SPRED2: variants seen among roughly 807,000 people sequenced by gnomAD.
SPRED2 encodes the protein sprouty-related, EVH1 domain-containing protein 2.
A neutral mutation model predicts 43.0 loss-of-function variants in SPRED2; 47 were observed. The observed-to-expected ratio is 1.09, with a 90% CI of 0.87 to 1.40. SPRED2 has a LOEUF of 1.40. SPRED2 is among the 40% of genes most tolerant of loss of function. SPRED2 has a pLI of 0.00. For synonymous variants in SPRED2, 225 were observed against 225.7 expected, an observed-to-expected ratio of 1.00 and a Z score of 0.03; for missense variants, 561 against 586.4, an observed-to-expected ratio of 0.96 and a Z score of 0.45.
intron 1 of SPRED2, among the ~76,000 whole-genome samples, chr2:65,418,929 A>T (rs559787812): frequency 1.1e-4 from 17 of 152,090 alleles, no homozygotes; most frequent in Non-Finnish European, 2.4e-4. Flanking sequence ...GTCTTTTTTT[A>T]AAAAATATAA....
intron 2 of SPRED2, among the ~76,000 whole-genome samples, chr2:65,338,895 G>A (rs543030994): frequency 6.6e-6 from 1 of 151,764 alleles, no homozygotes; most frequent in Admixed American, 6.6e-5. Flanking sequence ...GAAGTGAGGA[G>A]CGTCTCTGCC....
At chr2:65,342,222 G>A (rs1481392298) in intron 2 of SPRED2, among the ~76,000 whole-genome samples, 5 of 145,394 alleles carry the variant, frequency 3.4e-5, no homozygotes, top group African/African-American at 1.0e-4. Context: ...TTTTGTATAC[G>A]TATATTATGT....
At chr2:65,410,856 T>G (rs1676140900) in intron 1 of SPRED2, among the ~76,000 whole-genome samples, 1 of 152,014 alleles carries the variant, frequency 6.6e-6, no homozygotes, top group African/African-American at 2.4e-5. Flanking sequence ...ATGCAGAGGG[T>G]CTATCGTGAG....
At chr2:65,381,154 C>T (rs1362242746) in intron 1 of SPRED2, among the ~76,000 whole-genome samples, 2 of 152,206 alleles carry the variant, frequency 1.3e-5, no homozygotes, top group Admixed American at 6.5e-5. Context: ...TTCCAAACCT[C>T]ACCAAGTTAG....
At chr2:65,392,633 A>T (rs1014097391) in intron 1 of SPRED2, among the ~76,000 whole-genome samples, 1 of 152,202 alleles carries the variant, frequency 6.6e-6, no homozygotes, top group African/African-American at 2.4e-5. Context: ...CTATATTAGA[A>T]CAAAATCACA....
chr2:65,338,826 C>T (rs1202675934), intron 2 of SPRED2, among the ~76,000 whole-genome samples: 3 of 151,502 alleles, frequency 2.0e-5, no homozygotes, highest in African/African-American at 7.3e-5. Context: ...CGTCTCTGCC[C>T]GGCCGCCATC....
intron 1 of SPRED2, among the ~76,000 whole-genome samples, chr2:65,424,965 G>T (rs911538207): frequency 6.6e-6 from 1 of 152,080 alleles, no homozygotes; most frequent in African/African-American, 2.4e-5. Context: ...AGACAGATGG[G>T]CCAAGCTTCT....
chr2:65,365,049 T>A (rs183930998), intron 1 of SPRED2, among the ~76,000 whole-genome samples: 28 of 152,356 alleles, frequency 1.8e-4, no homozygotes, highest in African/African-American at 6.0e-4. Flanking sequence ...TCACTTTGAA[T>A]CTGAAGTATT....
At chr2:65,372,572 C>T (rs1675151269) in intron 1 of SPRED2, among the ~76,000 whole-genome samples, 2 of 152,110 alleles carry the variant, frequency 1.3e-5, no homozygotes, top group South Asian at 2.1e-4. Flanking sequence ...CAAGGCCTGG[C>T]TTCAGACCTG....
chr2:65,430,581 C>T (rs1241709099), intron 1 of SPRED2, among the ~76,000 whole-genome samples: 1 of 152,206 alleles, frequency 6.6e-6, no homozygotes, highest in African/African-American at 2.4e-5. Context: ...GTCACTTCCC[C>T]TCCCAGCACT....
chr2:65,313,946 G>A lies in SPRED2; in HGVS notation c.812C>T (p.Ser271Phe). 6.2e-7 allele frequency: 1 copy of A among 1,611,874 alleles called. No homozygotes were observed. The highest frequency in any genetic ancestry group is 1.1e-5 in the South Asian group (1 of 91,086). ...GTCCTCGCCTAGGCCAAAGTCTGAGGAGTCCACGTAGGGGTAGTTGTAGTC... is the reference window on the plus strand; with the variant it reads ...GTCCTCGCCTAGGCCAAAGTCTGAGAAGTCCACGTAGGGGTAGTTGTAGTC... ...KHDYNYPYVDSSDFGLGEDPK... is the reference protein window; with the variant it reads ...KHDYNYPYVDFSDFGLGEDPK... The change falls in exon 6 of 6, where the codon TCC (serine) becomes TTC (phenylalanine). Residue 271 changes from serine (S) to phenylalanine (F), a missense_variant. Ser to Phe is a radical substitution (Grantham distance 155). Coordinates refer to ENST00000356388, the MANE Select transcript of SPRED2 (RefSeq NM_181784.3).
chr2:65,343,553 CTT>C (rs1054779804), intron 2 of SPRED2, among the ~76,000 whole-genome samples: 14 of 152,146 alleles, frequency 9.2e-5, no homozygotes, highest in Non-Finnish European at 1.6e-4. Context: ...CTTGTGGTGT[CTT>C]TGCATTTTCT....
At chr2:65,405,826 C>A (rs961666058) in intron 1 of SPRED2, among the ~76,000 whole-genome samples, 5 of 152,224 alleles carry the variant, frequency 3.3e-5, no homozygotes, top group Admixed American at 3.3e-4. Flanking sequence ...CTTACCAGCC[C>A]TTCTCCTCCC....
intron 1 of SPRED2, among the ~76,000 whole-genome samples, chr2:65,358,054 A>AC (rs1284178514): frequency 6.6e-6 from 1 of 150,702 alleles, no homozygotes; most frequent in East Asian, 1.9e-4. Context: ...AAAATACCCT[A>AC]CAAAAGCAGA....
chr2:65,364,559 T>G (rs1674919507), intron 1 of SPRED2, among the ~76,000 whole-genome samples: 1 of 152,328 alleles, frequency 6.6e-6, no homozygotes, highest in African/African-American at 2.4e-5. Flanking sequence ...GTGATTATCA[T>G]TGTCCAATTT....
At chr2:65,317,728 C>G (rs10211156) in intron 4 of SPRED2, among the ~76,000 whole-genome samples, 73,704 of 151,726 alleles carry the variant, frequency 0.49, 18,234 homozygotes, top group East Asian at 0.76. Context: ...CGCTGGCTGG[C>G]GTATCTTGAG....
At chr2:65,342,443 GTA>G (rs1674222245) in intron 2 of SPRED2, among the ~76,000 whole-genome samples, 1 of 148,076 alleles carries the variant, frequency 6.8e-6, no homozygotes, top group Non-Finnish European at 1.5e-5. Flanking sequence ...TGTATATTTT[GTA>G]TATATATTAT....
Position 65,344,615 on chromosome 2 carries a change from C to CA in SPRED2, c.204+103dup, listed in dbSNP as rs369767069. On this transcript the variant is annotated intron_variant, in intron 2 of 5. Coordinates refer to ENST00000356388, the MANE Select transcript of SPRED2 (RefSeq NM_181784.3). Reference sequence around the variant, plus strand: ...TGAAGCTTTTGCAAGAGTTTGAAGTCAGAGAAAGAAAGAAAAAAATACGTT... The same window carrying CA: ...TGAAGCTTTTGCAAGAGTTTGAAGTCAAGAGAAAGAAAGAAAAAAATACGTT... 8.3e-5 allele frequency: 120 copies of CA among 1,450,516 alleles called. No homozygotes were observed. In the African/African-American group the frequency reaches 1.5e-3, roughly 18 times the overall value. 89.9% of individuals were successfully genotyped at this position (1,450,516 alleles called of 1,614,324 possible).
chr2:65,421,239 G>A (rs1676416207), intron 1 of SPRED2, among the ~76,000 whole-genome samples: 1 of 152,090 alleles, frequency 6.6e-6, no homozygotes, highest in African/African-American at 2.4e-5. Context: ...AGAATGGGGA[G>A]GGACAGGCAC....
Sources: allele counts gnomAD v4.1 joint callset (sites outside exome capture counted in the v4.1 genomes callset), GRCh38; gene constraint gnomAD v4.1.1; transcripts MANE v1.5; gene names NCBI Gene and HGNC (gene_info 2026-07-23, HGNC 2026-07-21).